Variants in NFATC3 observed in about 807,000 individuals in gnomAD.
NFATC3 encodes the protein nuclear factor of activated T cells 3, also known as nuclear factor of activated T-cells, cytoplasmic 3.
In NFATC3, 46 loss-of-function variants were observed where a neutral mutation model predicts 98.6. The observed-to-expected ratio is 0.47, with a 90% CI of 0.37 to 0.60. The LOEUF (loss-of-function observed/expected upper bound fraction) is 0.60, where lower values mean the gene tolerates loss of function less well. NFATC3 is among the 20% of genes least tolerant of loss of function. NFATC3 has a pLI of 0.00. For synonymous variants in NFATC3, 512 were observed against 472.2 expected, an observed-to-expected ratio of 1.08 and a Z score of -1.09; for missense variants, 1,256 against 1,295.5, an observed-to-expected ratio of 0.97 and a Z score of 0.47.
Position 68,181,519 on chromosome 16 carries a change from A to C in NFATC3, c.1960A>C (p.Lys654Gln), listed in dbSNP as rs1174778680. Residue 654 changes from lysine to glutamine, a missense_variant, in exon 7 of 10, where the codon AAA (lysine) becomes CAA (glutamine). Lys to Gln is a moderately conservative substitution (Grantham distance 53). This residue lies in a region of NFATC3 where 636 missense variants were observed against 617.3 expected (regional missense o/e 1.03). Transcript: ENST00000346183. ...GGTAGAAGGGAAGATAATCAGGGAA[A>C]AATGTCAAGGGGTAAGAAATTTACC... Reference protein sequence around the residue: ...WEVEGKIIREKCQGAHIVLEV... With the variant: ...WEVEGKIIREQCQGAHIVLEV... The C allele has an allele frequency of 6.2e-7, 1 of 1,609,706 alleles. No individual in the cohort carries two copies. The highest frequency in any genetic ancestry group is 8.5e-7 in the Non-Finnish European group (1 of 1,176,208).
At chr16:68,110,308 ATT>A (rs139459907) in intron 1 of NFATC3, among the ~76,000 whole-genome samples, 6 of 110,238 alleles carry the variant, frequency 5.4e-5, no homozygotes, top group South Asian at 5.5e-4. Flanking sequence ...CCTGGCCTGA[ATT>A]TTTTTTTTTT....
At chr16:68,209,565 T>G (rs1486847363) in intron 9 of NFATC3, 1 of 319,060 alleles carries the variant, frequency 3.1e-6, no homozygotes, top group Non-Finnish European at 6.3e-6. Flanking sequence ...GCACGTGGAA[T>G]TTGCAAAGCT....
rs144958132 is a variant in NFATC3, at chr16:68,191,532, C to G, written c.2863C>G (p.Pro955Ala). ...GCTTCAGCCTATGCCTTACCAATCT[C>G]CTAGCTCAGGAACTGCCTCATCACC... ...PQLQPMPYQS[P>A]SSGTASSPSP... The change falls in exon 9 of 10, where the codon CCT becomes GCT. Residue 955 changes from proline to alanine, a missense_variant. By Grantham distance (27) the Pro-to-Ala change is conservative (BLOSUM62 -1). Coordinates refer to ENST00000346183, the MANE Select transcript of NFATC3 (RefSeq NM_173165.3). 202 of 1,614,186 alleles carry G rather than the reference C, an allele frequency of 1.3e-4. No individual in the cohort carries two copies. The African/African-American group carries it at 2.5e-3, about 20-fold the overall frequency.
intron 1 of NFATC3, chr16:68,086,644 A>G: frequency 1.0e-6 from 1 of 985,390 alleles, no homozygotes; most frequent in Non-Finnish European, 1.2e-6. Flanking sequence ...ATGCATACGA[A>G]CTTCAAAAAG....
chr16:68,127,231 A>G (rs2036883784), intron 3 of NFATC3, among the ~76,000 whole-genome samples: 1 of 152,110 alleles, frequency 6.6e-6, no homozygotes, highest in Non-Finnish European at 1.5e-5. Flanking sequence ...TAAATAAGTA[A>G]AATTTAATCA....
At chr16:68,160,066 A>G (rs534206168) in intron 4 of NFATC3, among the ~76,000 whole-genome samples, 145 of 151,608 alleles carry the variant, frequency 9.6e-4, no homozygotes, top group South Asian at 1.5e-3. Flanking sequence ...CTCCGACTCA[A>G]AAAGAAAAAG....
chr16:68,129,219 C>G lies in NFATC3; in HGVS notation c.1401+2609C>G, dbSNP rs555881062. 1.1e-4 allele frequency among the ~76,000 whole-genome samples: 16 copies of G among 152,214 alleles called. No homozygotes were observed. The South Asian group carries it at 2.1e-3, about 20-fold the overall frequency. ...ATTTGAGGCTGCAGTGAGCTATGAT[C>G]ACACCACTGCACTCCAGCTTGGGTG... On this transcript the variant is annotated intron_variant, in intron 3 of 9. Coordinates refer to ENST00000346183, the MANE Select transcript of NFATC3 (RefSeq NM_173165.3).
At chr16:68,216,589 T>A (rs1197002697) in intron 9 of NFATC3, among the ~76,000 whole-genome samples, 3 of 152,128 alleles carry the variant, frequency 2.0e-5, no homozygotes, top group Non-Finnish European at 4.4e-5. Flanking sequence ...TGGAGTGCAT[T>A]GGCATCATAC....
Position 68,211,481 on chromosome 16 carries a change from C to T in NFATC3, c.3107-14869C>T, listed in dbSNP as rs185465647. ...GATTACAGGCGTGAGCCACTGTGCC[C>T]GGCTGAAACTCTTCTTCTGTAAATG... On this transcript the variant is annotated intron_variant, in intron 9 of 9. Transcript: ENST00000346183. Among the ~76,000 whole-genome samples, 678 of 151,266 alleles carry T rather than the reference C, an allele frequency of 4.5e-3. 1 individual carries two copies. The highest frequency in any genetic ancestry group is 6.7e-3 in the Non-Finnish European group (456 of 67,838).
At chr16:68,133,868 T>A (rs967046109) in intron 3 of NFATC3, among the ~76,000 whole-genome samples, 4 of 152,078 alleles carry the variant, frequency 2.6e-5, no homozygotes, top group African/African-American at 9.7e-5. Context: ...ATAAAGCTGC[T>A]TTGTGCCCTT....
intron 1 of NFATC3, among the ~76,000 whole-genome samples, chr16:68,108,557 C>T (rs1176095427): frequency 2.6e-5 from 4 of 152,102 alleles, no homozygotes; most frequent in Non-Finnish European, 5.9e-5. Context: ...TTTAGCTATA[C>T]GGGCTCTCTT....
At chr16:68,138,675 C>T in intron 3 of NFATC3, 1 of 1,286,922 alleles carries the variant, frequency 7.8e-7, no homozygotes, top group Non-Finnish European at 1.0e-6. Flanking sequence ...CAAGTAGTCA[C>T]ATGGCCCTAC....
chr16:68,086,285 C>T (rs996905657), intron 1 of NFATC3, among the ~76,000 whole-genome samples: 22 of 152,132 alleles, frequency 1.4e-4, no homozygotes, highest in African/African-American at 5.3e-4. Context: ...TTAACGTCCA[C>T]TCGTGCAAGT....
At chr16:68,125,889 TTTATTA>T (rs1555515461) in intron 2 of NFATC3, among the ~76,000 whole-genome samples, 1 of 151,870 alleles carries the variant, frequency 6.6e-6, no homozygotes, top group Non-Finnish European at 1.5e-5. Flanking sequence ...TTTATTTTAT[TTTATTA>T]TTATTATTAT....
chr16:68,199,653 C>G (rs2151131808), intron 9 of NFATC3: 1 of 152,342 alleles, frequency 6.6e-6, no homozygotes, highest in African/African-American at 2.4e-5. Context: ...CAGTGGCGAT[C>G]TCAGCTCACT....
At chr16:68,157,524 G>T (rs953593944) in intron 3 of NFATC3, among the ~76,000 whole-genome samples, 5 of 152,064 alleles carry the variant, frequency 3.3e-5, no homozygotes, top group Admixed American at 6.6e-5. Flanking sequence ...TTTAGGTCTG[G>T]TCTGAATGGT....
chr16:68,201,427 T>G (rs2040909119), intron 9 of NFATC3, among the ~76,000 whole-genome samples: 1 of 150,716 alleles, frequency 6.6e-6, no homozygotes, highest in Non-Finnish European at 1.5e-5. Context: ...TTTGTTTTTG[T>G]TTTTTTTATT....
intron 1 of NFATC3, among the ~76,000 whole-genome samples, chr16:68,103,972 T>G (rs911211110): frequency 6.6e-6 from 1 of 152,210 alleles, no homozygotes; most frequent in African/African-American, 2.4e-5. Context: ...GGAGTGTTAA[T>G]CCTACTTTGT....
At chr16:68,185,707 CA>C (rs1467916026) in intron 8 of NFATC3, among the ~76,000 whole-genome samples, 1 of 151,730 alleles carries the variant, frequency 6.6e-6, no homozygotes, top group Non-Finnish European at 1.5e-5. Flanking sequence ...ACTAAAAATA[CA>C]AAAAATCAGC....
Sources: allele counts gnomAD v4.1 joint callset (sites outside exome capture counted in the v4.1 genomes callset), GRCh38; gene constraint gnomAD v4.1.1; regional missense constraint gnomAD v4.1.1; transcripts MANE v1.5; gene names NCBI Gene and HGNC (gene_info 2026-07-23, HGNC 2026-07-21).